GTF3C1: variants seen among roughly 807,000 people sequenced by gnomAD.
GTF3C1 encodes the protein general transcription factor 3C polypeptide 1.
In GTF3C1, 57 loss-of-function variants were observed where a neutral mutation model predicts 226.7. That is an observed-to-expected ratio of 0.25 (90% CI 0.20 to 0.31). GTF3C1 has a LOEUF of 0.31. Ranked by LOEUF, GTF3C1 falls within the 10% of genes least tolerant of loss-of-function variation. The pLI is 1.00. For missense variants in GTF3C1, 2,217 were observed against 2,776.1 expected (o/e 0.80, Z 4.53); for synonymous variants, 1,090 against 1,084.8 (o/e 1.00, Z -0.09).
chr16:27,548,225 C>T (rs1386149157), intron 1 of GTF3C1, among the ~76,000 whole-genome samples: 2 of 152,148 alleles, frequency 1.3e-5, no homozygotes, highest in African/African-American at 4.8e-5. Flanking sequence ...TCCTCTTTGC[C>T]AACTGGCTGC....
Position 27,461,851 on chromosome 16 carries a change from C to T in GTF3C1, c.6118-289G>A. 1 of 444,062 alleles carries T rather than the reference C, an allele frequency of 2.3e-6. No homozygotes were observed. Among genetic ancestry groups the T allele is most frequent in the Non-Finnish European group, 4.1e-6 (1 of 245,312 alleles). 27.5% of individuals were successfully genotyped at this position (444,062 alleles called of 1,614,324 possible). ...GCAGCGCGGGATAAATCCCAGCTTC[C>T]TGTGAGCCAAGACTGGCTTCCAGGT... On this transcript the variant is annotated intron_variant, in intron 36 of 36. Coordinates refer to ENST00000356183, the MANE Select transcript of GTF3C1 (RefSeq NM_001520.4). The surrounding 1 kb of genome is among the most constrained non-coding windows in gnomAD (Gnocchi z 5.3).
intron 16 of GTF3C1, 62 bp downstream of exon 16, chr16:27,494,701 G>A: frequency 7.8e-7 from 1 of 1,279,642 alleles, no homozygotes; most frequent in Non-Finnish European, 1.1e-6. Flanking sequence ...CCAGGTGAGT[G>A]TAGGCCCTCC....
rs1261714704 is a variant in GTF3C1 at position 27,471,302 on chromosome 16, GCC to G, written c.4526+444_4526+445del. ...CACTGCAAGAGCGCTTCAGGAGGGA[GCC>G]CCAGGAGGATGCCTGTCTGAATGCA... On this transcript the variant is annotated intron_variant, in intron 30 of 36. Transcript: ENST00000356183. The surrounding 1 kb of genome is among the most constrained non-coding windows in gnomAD (Gnocchi z 5.0). 1.3e-5 allele frequency among the ~76,000 whole-genome samples: 2 copies of G among 152,202 alleles called. No homozygotes were observed. The highest frequency in any genetic ancestry group is 4.8e-5 in the African/African-American group (2 of 41,452).
chr16:27,468,503 T>C (rs887431337), intron 32 of GTF3C1, among the ~76,000 whole-genome samples: 1 of 151,688 alleles, frequency 6.6e-6, no homozygotes. Flanking sequence ...TCCAAGCTAC[T>C]TAGGAGACTG....
intron 29 of GTF3C1, among the ~76,000 whole-genome samples, chr16:27,473,647 G>A (rs2087909353): frequency 6.6e-6 from 1 of 152,248 alleles, no homozygotes. Flanking sequence ...TTCCAGTGGA[G>A]GGACACAAGG....
chr16:27,535,781 G>A (rs1369092615), intron 4 of GTF3C1, among the ~76,000 whole-genome samples: 1 of 152,070 alleles, frequency 6.6e-6, no homozygotes, highest in Non-Finnish European at 1.5e-5. Context: ...CCTGGAGGCA[G>A]AGGTTGTGGT....
chr16:27,480,777 G>C (rs2088032339), intron 27 of GTF3C1: 1 of 341,422 alleles, frequency 2.9e-6, no homozygotes, highest in Admixed American at 4.2e-5. Flanking sequence ...TGTGACCTTG[G>C]GCACGTTACT....
chr16:27,463,834 T>C lies in GTF3C1; in HGVS notation c.5873-242A>G. 1 of 538,590 alleles carries C rather than the reference T, an allele frequency of 1.9e-6. No homozygotes were observed. The highest frequency in any genetic ancestry group is 3.2e-6 in the Non-Finnish European group (1 of 308,236). 33.4% of individuals were successfully genotyped at this position (538,590 alleles called of 1,614,324 possible). A position where few individuals can be genotyped will look rare whatever the true frequency, so the allele number is the denominator to read the frequency against. ...TCCCAGGCCCGGACAAGCCCCACATTGCAGGAAGCCAGCGAACACCTCATT... is the reference window on the plus strand; with the variant it reads ...TCCCAGGCCCGGACAAGCCCCACATCGCAGGAAGCCAGCGAACACCTCATT... On this transcript the variant is annotated intron_variant, in intron 34 of 36. Transcript: ENST00000356183. The surrounding 1 kb of genome is among the most constrained non-coding windows in gnomAD (Gnocchi z 4.9).
intron 25 of GTF3C1, 42 bp downstream of exon 25, chr16:27,484,169 C>G (rs757980799): frequency 2.7e-6 from 4 of 1,472,574 alleles, no homozygotes; most frequent in Admixed American, 3.4e-5. Context: ...AACGGGATAA[C>G]GTAACCGTGT....
At chr16:27,508,817 C>T (rs2088527753) in intron 7 of GTF3C1, among the ~76,000 whole-genome samples, 162 bp from the exon 8 acceptor site, 2 of 152,186 alleles carry the variant, frequency 1.3e-5, no homozygotes, top group South Asian at 4.1e-4. Context: ...AGCGTGCTTC[C>T]CTCCCAAGCC....
In GTF3C1 at chr16:27,464,330, T is replaced by C. The variant is rs748914448; in HGVS notation, c.5862A>G (p.Glu1954=). 2 of 1,503,686 alleles carry C rather than the reference T, an allele frequency of 1.3e-6. No homozygotes were observed. Among genetic ancestry groups the C allele is most frequent in the Non-Finnish European group, 1.8e-6 (2 of 1,129,368 alleles). 93.1% of individuals were successfully genotyped at this position (1,503,686 alleles called of 1,614,324 possible). A position where few individuals can be genotyped will look rare whatever the true frequency, so the allele number is the denominator to read the frequency against. ...SGQAQPPEGS[E]DPRGFTESFG... ...CAAGGCGCGCGGTACCTCTGGGGTCTTCAGAGCCCTCTGGAGGCTGCGCCT... is the reference window on the plus strand; with the variant it reads ...CAAGGCGCGCGGTACCTCTGGGGTCCTCAGAGCCCTCTGGAGGCTGCGCCT... The change falls in exon 34 of 37, where the codon GAA becomes GAG. Residue 1954 remains glutamate (E), a synonymous_variant. Coordinates refer to ENST00000356183, the MANE Select transcript of GTF3C1 (RefSeq NM_001520.4).
At chr16:27,541,909 G>A (rs2089089888) in intron 2 of GTF3C1, among the ~76,000 whole-genome samples, 1 of 152,074 alleles carries the variant, frequency 6.6e-6, no homozygotes, top group Non-Finnish European at 1.5e-5. Flanking sequence ...GCCAGCTGAG[G>A]GTAACTCTGG....
At position 27,464,814 on chromosome 16, in the gene GTF3C1, A is replaced by T; in HGVS notation, c.5378T>A (p.Val1793Glu). The T allele has an allele frequency of 6.6e-7, 1 of 1,517,558 alleles. No individual in the cohort carries two copies. 94.0% of individuals were successfully genotyped at this position (1,517,558 alleles called of 1,614,324 possible). Reference protein sequence around the residue: ...CIQALLEQHQVLEVGGNTARL... With the variant: ...CIQALLEQHQELEVGGNTARL... The stretch of plus-strand genomic sequence containing the variant: ...CGCAGTGTTGCCACCGACCTCCAGC[A>T]CCTGATGCTGCTCCAGGAGGGCCTG... Residue 1793 changes from valine to glutamate, a missense_variant, in exon 34 of 37, where the codon GTG becomes GAG. Around this residue, in one of 12 missense-constraint regions of GTF3C1, gnomAD observed 455 missense variants for 441.9 expected, o/e 1.03. Coordinates refer to ENST00000356183, the MANE Select transcript of GTF3C1 (RefSeq NM_001520.4).
In GTF3C1 at chr16:27,492,769, A is replaced by AG; in HGVS notation, c.2877-57dup. Reference sequence around the variant, plus strand: ...TCACACCACACTCGCAGCCGGCCGCAGGGGTCTGCATGTGGGGTGAGGGGT... The same window carrying AG: ...TCACACCACACTCGCAGCCGGCCGCAGGGGGTCTGCATGTGGGGTGAGGGGT... On this transcript the variant is annotated intron_variant, in intron 17 of 36. Coordinates refer to ENST00000356183, the MANE Select transcript of GTF3C1 (RefSeq NM_001520.4). This position sits in a 1 kb window ranked among gnomAD's most constrained non-coding sequence, Gnocchi z 5.0. 1.0e-6 allele frequency: 1 copy of AG among 967,374 alleles called. No homozygotes were observed. The highest frequency in any genetic ancestry group is 1.3e-5 in the South Asian group (1 of 78,328). The allele number at this position is 967,374 out of a possible 1,614,324, so 59.9% of individuals were successfully genotyped here. A position where few individuals can be genotyped will look rare whatever the true frequency, so the allele number is the denominator to read the frequency against.
At position 27,471,630 on chromosome 16, in the gene GTF3C1, G is replaced by C. The variant is rs2087871857; in HGVS notation, c.4526+118C>G. On this transcript the variant is annotated intron_variant, in intron 30 of 36. Transcript: ENST00000356183. This position sits in a 1 kb window ranked among gnomAD's most constrained non-coding sequence, Gnocchi z 5.0. ...ACCCAAGCCGGCATCTTGCACATGA[G>C]GCTGCGAAGGTCCCTGGCTCCTACA... 2 of 768,236 alleles carry C rather than the reference G, an allele frequency of 2.6e-6. No individual in the cohort carries two copies. The highest frequency in any genetic ancestry group is 4.4e-5 in the Admixed American group (2 of 45,420). The allele number at this position is 768,236 out of a possible 1,614,324, so 47.6% of individuals were successfully genotyped here.
In GTF3C1 at chr16:27,462,806, G is replaced by A; in HGVS notation, c.5925-320C>T. ...ACTTGCCAGCTCTACTGGCAGCCCA[G>A]GCAGAAACCACCTCCAGGCTGTGGC... is the stretch of plus-strand genomic sequence containing the variant. On this transcript the variant is annotated intron_variant, in intron 35 of 36. Coordinates refer to ENST00000356183, the MANE Select transcript of GTF3C1 (RefSeq NM_001520.4). The surrounding 1 kb of genome is among the most constrained non-coding windows in gnomAD (Gnocchi z 4.5). The A allele has an allele frequency of 3.0e-6, 1 of 337,680 alleles. No homozygotes were observed. The highest frequency in any genetic ancestry group is 4.8e-5 in the East Asian group (1 of 20,644). 20.9% of individuals were successfully genotyped at this position (337,680 alleles called of 1,614,324 possible).
At chr16:27,527,068 A>G (rs1392240259) in intron 6 of GTF3C1, among the ~76,000 whole-genome samples, 1 of 152,212 alleles carries the variant, frequency 6.6e-6, no homozygotes, top group Admixed American at 6.5e-5. Context: ...TTAGCCCAGC[A>G]TGGTAGGGTT....
Position 27,462,330 on chromosome 16 carries a change from C to A in GTF3C1, c.6081G>T (p.Gly2027=), listed in dbSNP as rs907667009. The change falls in exon 36 of 37, where the codon GGG becomes GGT. Residue 2027 remains glycine (G), a synonymous_variant. Coordinates refer to ENST00000356183, the MANE Select transcript of GTF3C1 (RefSeq NM_001520.4). This position sits in a 1 kb window ranked among gnomAD's most constrained non-coding sequence, Gnocchi z 4.5. The part of the protein sequence containing the change: ...PESSLLRHYQ[G]VLQPVAVLEL... ...CCAGCACGGCGACGGGCTGCAGGAC[C>A]CCCTGGTAGTGGCGCAGCAGGGAGC... is the stretch of plus-strand genomic sequence containing the variant. 6.4e-7 allele frequency: 1 copy of A among 1,565,730 alleles called. No individual in the cohort carries two copies. Among genetic ancestry groups the A allele is most frequent in the East Asian group, 2.4e-5 (1 of 41,860 alleles).
chr16:27,528,517 C>G, intron 6 of GTF3C1, 81 bp downstream of exon 6: 2 of 1,058,924 alleles, frequency 1.9e-6, no homozygotes, highest in Non-Finnish European at 2.9e-6. Context: ...AGAATGTGAT[C>G]AGAGAGAGAG....
Sources: allele counts gnomAD v4.1 joint callset (sites outside exome capture counted in the v4.1 genomes callset), GRCh38; gene constraint gnomAD v4.1.1; regional missense constraint gnomAD v4.1.1; non-coding constraint Gnocchi (gnomAD v3.1); transcripts MANE v1.5; gene names NCBI Gene and HGNC (gene_info 2026-07-23, HGNC 2026-07-21).